The following ITGA8 variants were observed in gnomAD, a reference collection of about 807,000 sequenced individuals.
The protein encoded by ITGA8 is integrin alpha-8.
Under a neutral mutation model 142.3 loss-of-function variants are expected in ITGA8, and 91 were observed. The observed-to-expected ratio is 0.64, with a 90% confidence interval of 0.54 to 0.76. The LOEUF is 0.76. Ranked by LOEUF, ITGA8 falls within the 30% of genes least tolerant of loss-of-function variation. ITGA8 has a pLI of 0.00. For missense variants in ITGA8, 1,406 were observed against 1,327.7 expected (o/e 1.06, Z -0.92); for synonymous variants, 505 against 485.2 (o/e 1.04, Z -0.54).
At chr10:15,646,819 T>C (rs1322751380) in intron 12 of ITGA8, 27 bp downstream of exon 12, 2 of 1,579,886 alleles carry the variant, frequency 1.3e-6, no homozygotes, top group South Asian at 1.1e-5. Flanking sequence ...GACACATAAA[T>C]GACTTCCACG....
intron 4 of ITGA8, among the ~76,000 whole-genome samples, chr10:15,682,131 C>A (rs1189059025): frequency 1.3e-5 from 2 of 152,148 alleles, no homozygotes; most frequent in African/African-American, 4.8e-5. Context: ...GCTGCTCCTC[C>A]CCTGGCTTCC....
At chr10:15,621,671 G>A (rs952060008) in intron 13 of ITGA8, among the ~76,000 whole-genome samples, 1 of 152,246 alleles carries the variant, frequency 6.6e-6, no homozygotes, top group East Asian at 1.9e-4. Flanking sequence ...GAACGGTCAG[G>A]CCAAAGGGGA....
At chr10:15,628,324 GTTTTTTTTTTTT>G (rs4030578) in intron 13 of ITGA8, among the ~76,000 whole-genome samples, 1 of 61,564 alleles carries the variant, frequency 1.6e-5, no homozygotes, top group East Asian at 5.6e-4. Flanking sequence ...ATTTATTTTG[GTTTTTTTTTTTT>G]TTTTTTTTTT....
intron 2 of ITGA8, among the ~76,000 whole-genome samples, chr10:15,690,194 C>A (rs1405651265): frequency 6.6e-6 from 1 of 152,150 alleles, no homozygotes; most frequent in African/African-American, 2.4e-5. Context: ...GGGAGTGAAG[C>A]CAACATTCGC....
At chr10:15,672,542 T>G in intron 7 of ITGA8, 82 bp downstream of exon 7, 1 of 1,456,196 alleles carries the variant, frequency 6.9e-7, no homozygotes, top group Non-Finnish European at 9.2e-7. Context: ...TAACATCGGA[T>G]AAGTCAGGGA....
At chr10:15,682,456 G>A (rs909680374) in intron 4 of ITGA8, among the ~76,000 whole-genome samples, 1 of 152,106 alleles carries the variant, frequency 6.6e-6, no homozygotes, top group African/African-American at 2.4e-5. Flanking sequence ...TATCCATTCA[G>A]CTGACATTTG....
At chr10:15,582,579 G>A (rs1045043517) in intron 23 of ITGA8, among the ~76,000 whole-genome samples, 2 of 152,144 alleles carry the variant, frequency 1.3e-5, no homozygotes, top group Non-Finnish European at 2.9e-5. Flanking sequence ...TCTACAACTC[G>A]ATAATAAGGA....
chr10:15,608,142 G>C, intron 16 of ITGA8, 93 bp downstream of exon 16: 1 of 881,404 alleles, frequency 1.1e-6, no homozygotes, highest in Non-Finnish European at 1.8e-6. Flanking sequence ...TTCCTCAAGG[G>C]TTCTTTCATT....
intron 19 of ITGA8, 134 bp from the exon 20 acceptor site, chr10:15,604,489 T>C: frequency 1.7e-6 from 1 of 600,134 alleles, no homozygotes; most frequent in Non-Finnish European, 2.7e-6. Flanking sequence ...CATGAAGAGA[T>C]GGTAGGAAGA....
chr10:15,618,406 G>T (rs1392767152), intron 13 of ITGA8, among the ~76,000 whole-genome samples: 1 of 152,192 alleles, frequency 6.6e-6, no homozygotes, highest in African/African-American at 2.4e-5. Context: ...ACTAAGTCAG[G>T]AATTAAATTG....
chr10:15,518,349 G>A (rs1045290637), intron 29 of ITGA8, among the ~76,000 whole-genome samples: 5 of 152,146 alleles, frequency 3.3e-5, no homozygotes, highest in African/African-American at 4.8e-5. Flanking sequence ...ATACTCATTG[G>A]AAATACAGTT....
intron 25 of ITGA8, 68 bp from the exon 26 acceptor site, chr10:15,558,270 T>G (rs912876441): frequency 1.9e-6 from 3 of 1,583,314 alleles, no homozygotes; most frequent in Non-Finnish European, 2.6e-6. Context: ...TCTTTAGCCT[T>G]GAACTCTAGG....
intron 20 of ITGA8, among the ~76,000 whole-genome samples, chr10:15,602,782 C>T (rs953221053): frequency 1.3e-5 from 2 of 151,758 alleles, no homozygotes; most frequent in Non-Finnish European, 2.9e-5. Flanking sequence ...GATTATAAAC[C>T]ACTCACTGGA....
intron 11 of ITGA8, among the ~76,000 whole-genome samples, chr10:15,651,499 C>T (rs955203616): frequency 6.6e-6 from 1 of 151,686 alleles, no homozygotes; most frequent in Non-Finnish European, 1.5e-5. Context: ...GGAAAATTTC[C>T]ACCAGTTAAC....
intron 2 of ITGA8, among the ~76,000 whole-genome samples, chr10:15,712,636 C>T (rs993671941): frequency 1.3e-5 from 2 of 151,948 alleles, no homozygotes; most frequent in Non-Finnish European, 2.9e-5. Context: ...TAAAAAAGTC[C>T]ATGTTCATGT....
At chr10:15,661,051 C>T in intron 8 of ITGA8, 129 bp from the exon 9 acceptor site, 1 of 788,952 alleles carries the variant, frequency 1.3e-6, no homozygotes, top group Non-Finnish European at 2.1e-6. Context: ...AGCAGGGGTC[C>T]CCAAGCCCCA....
chr10:15,706,166 C>G (rs926355878), intron 2 of ITGA8, among the ~76,000 whole-genome samples: 1 of 151,536 alleles, frequency 6.6e-6, no homozygotes, highest in African/African-American at 2.4e-5. Context: ...TCATCTAAGA[C>G]ATGCTCCTTA....
chr10:15,677,538 A>G (rs1834653168), intron 6 of ITGA8, 54 bp downstream of exon 6: 19 of 1,455,376 alleles, frequency 1.3e-5, no homozygotes, highest in Non-Finnish European at 1.8e-5. Context: ...TTCTGGGTCC[A>G]TCCTTCTGTT....
Position 15,606,279 on chromosome 10 carries a change from A to G in ITGA8, c.1902+6T>C, listed in dbSNP as rs1833193713. On this transcript the variant is annotated splice_donor_region_variant and intron_variant, in intron 18 of 29. Coordinates refer to ENST00000378076, the MANE Select transcript of ITGA8 (RefSeq NM_003638.3). Reference sequence around the variant, plus strand: ...AAAATGCCGTCAAAGACTGTGAAGGACTTACCTGTTCACTAACAATGTTTT... The same window carrying G: ...AAAATGCCGTCAAAGACTGTGAAGGGCTTACCTGTTCACTAACAATGTTTT... 3 of 1,599,652 alleles carry G rather than the reference A, an allele frequency of 1.9e-6. No homozygotes were observed. The highest frequency in any genetic ancestry group is 1.7e-5 in the Admixed American group (1 of 59,716).
Sources: allele counts gnomAD v4.1 joint callset (sites outside exome capture counted in the v4.1 genomes callset), GRCh38; gene constraint gnomAD v4.1.1; transcripts MANE v1.5; gene names NCBI Gene and HGNC (gene_info 2026-07-23, HGNC 2026-07-21).